Variants in CPXM2 observed in about 807,000 individuals in gnomAD.
CPXM2 encodes the protein inactive carboxypeptidase-like protein X2.
A neutral mutation model predicts 86.1 loss-of-function variants in CPXM2; 66 were observed. The observed-to-expected ratio is 0.77, with a 90% confidence interval of 0.63 to 0.94. CPXM2 has a LOEUF of 0.94. Among genes scored for constraint, CPXM2 ranks in the 40% least tolerant of loss-of-function variants. The pLI is 0.00. For missense variants in CPXM2, 948 were observed against 1,026.3 expected (o/e 0.92, Z 1.04); for synonymous variants, 388 against 400.2 (o/e 0.97, Z 0.36).
intron 4 of CPXM2, among the ~76,000 whole-genome samples, chr10:123,840,831 T>C (rs1848372077): frequency 6.6e-6 from 1 of 152,136 alleles, no homozygotes; most frequent in Non-Finnish European, 1.5e-5. Flanking sequence ...CAATGACAGG[T>C]GGTTAAATGT....
chr10:123,936,710 C>A (rs79563042), intron 2 of CPXM2, among the ~76,000 whole-genome samples: 1 of 152,144 alleles, frequency 6.6e-6, no homozygotes, highest in Non-Finnish European at 1.5e-5. Context: ...TCACACCCTG[C>A]GGCACTTTCC....
intron 2 of CPXM2, among the ~76,000 whole-genome samples, chr10:123,916,978 G>T (rs1479212343): frequency 6.6e-6 from 1 of 152,082 alleles, no homozygotes; most frequent in African/African-American, 2.4e-5. Context: ...TTTGCTGGAG[G>T]GGGTGAGTAG....
At chr10:123,892,667 G>A (rs1945294740), upstream of CPXM2, among the ~76,000 whole-genome samples, 1 of 152,208 alleles carries the variant, frequency 6.6e-6, no homozygotes, top group Admixed American at 6.5e-5. Flanking sequence ...AGGCTGATGC[G>A]AGTGTCACCA....
intron 1 of CPXM2, among the ~76,000 whole-genome samples, chr10:123,884,603 G>C (rs1375248783): frequency 2.0e-5 from 3 of 152,186 alleles, no homozygotes; most frequent in Non-Finnish European, 4.4e-5. Context: ...CGGGAGCCCG[G>C]GGGGAGGCTG....
chr10:123,879,019 T>A (rs1167860580), intron 2 of CPXM2, among the ~76,000 whole-genome samples: 1 of 152,120 alleles, frequency 6.6e-6, no homozygotes, highest in Non-Finnish European at 1.5e-5. Flanking sequence ...GCTCTCCCGG[T>A]CCAATGAGTC....
At chr10:123,800,998 GGCCCTGC>G (rs1362950425) in intron 4 of CPXM2, among the ~76,000 whole-genome samples, 1 of 152,132 alleles carries the variant, frequency 6.6e-6, no homozygotes, top group East Asian at 1.9e-4. Flanking sequence ...GTCCACCAGA[GGCCCTGC>G]CCCAAGAAAG....
chr10:123,819,405 A>G (rs1847879668), intron 4 of CPXM2, among the ~76,000 whole-genome samples: 1 of 152,244 alleles, frequency 6.6e-6, no homozygotes, highest in Non-Finnish European at 1.5e-5. Flanking sequence ...GGCAAAGGGA[A>G]TACAGAATGG....
intron 6 of CPXM2, among the ~76,000 whole-genome samples, chr10:123,780,886 C>T (rs1252596479): frequency 6.6e-6 from 1 of 152,112 alleles, no homozygotes; most frequent in Non-Finnish European, 1.5e-5. Flanking sequence ...GTAATTGATC[C>T]AGATTGAAGG....
chr10:123,913,892 T>C (rs954793842), intron 2 of CPXM2: 3 of 417,548 alleles, frequency 7.2e-6, no homozygotes, highest in Non-Finnish European at 1.5e-5. Flanking sequence ...CCTCCCAGGC[T>C]CTGGAAGCTG....
At chr10:123,749,539 A>T (rs1846030463) in intron 13 of CPXM2, among the ~76,000 whole-genome samples, 1 of 152,192 alleles carries the variant, frequency 6.6e-6, no homozygotes, top group African/African-American at 2.4e-5. Context: ...TCGCAGGGCC[A>T]CATGGCGATG....
rs2134191067 is a variant in CPXM2, at chr10:123,859,809, G to A, written c.513+2805C>T. Among the ~76,000 whole-genome samples, 2 of 152,342 alleles carry A rather than the reference G, an allele frequency of 1.3e-5. 1 individual carries two copies. Among genetic ancestry groups the A allele is most frequent in the South Asian group, 4.1e-4 (2 of 4,832 alleles). On this transcript the variant is annotated intron_variant, in intron 3 of 13. Coordinates refer to ENST00000241305, the MANE Select transcript of CPXM2 (RefSeq NM_198148.3). Reference sequence around the variant, plus strand: ...CAATGCATTCACTGAGGGGAGCTTGGCATTCTGCCTGGGGTGGGCCTCTCA... The same window carrying A: ...CAATGCATTCACTGAGGGGAGCTTGACATTCTGCCTGGGGTGGGCCTCTCA...
chr10:123,771,260 G>T (rs1045057443), intron 7 of CPXM2, among the ~76,000 whole-genome samples: 1 of 151,812 alleles, frequency 6.6e-6, no homozygotes. Flanking sequence ...CTCTATCATC[G>T]TCCCCCTAGG....
chr10:123,862,507 C>T, intron 3 of CPXM2, 107 bp downstream of exon 3: 2 of 927,360 alleles, frequency 2.2e-6, no homozygotes, highest in Non-Finnish European at 3.5e-6. Context: ...TTACTGTGAG[C>T]ATCCAGGCTA....
chr10:123,861,621 G>A (rs1475157889), intron 3 of CPXM2, among the ~76,000 whole-genome samples: 1 of 152,118 alleles, frequency 6.6e-6, no homozygotes, highest in Non-Finnish European at 1.5e-5. Flanking sequence ...CAAGAAATCA[G>A]AACAGAGAAC....
chr10:123,748,954 G>T (rs781262611), intron 13 of CPXM2, among the ~76,000 whole-genome samples: 6 of 152,106 alleles, frequency 3.9e-5, no homozygotes, highest in Non-Finnish European at 8.8e-5. Context: ...AGCTGTAGGC[G>T]CCTGAAGAGC....
chr10:123,916,778 CT>C (rs71474791), intron 2 of CPXM2, among the ~76,000 whole-genome samples: 51,222 of 146,178 alleles, frequency 0.35, 9,216 homozygotes, highest in Middle Eastern at 0.56. Flanking sequence ...CTCTCTCTCT[CT>C]TTTTTTTTTT....
intron 2 of CPXM2, among the ~76,000 whole-genome samples, chr10:123,873,856 C>CTTTTTTT (rs56223052): frequency 5.7e-5 from 6 of 105,286 alleles, no homozygotes; most frequent in East Asian, 2.5e-4. Flanking sequence ...TCTCACATTT[C>CTTTTTTT]TTTTTTTTTT....
chr10:123,902,509 A>G (rs1945393196), intron 2 of CPXM2, among the ~76,000 whole-genome samples: 1 of 152,210 alleles, frequency 6.6e-6, no homozygotes, highest in African/African-American at 2.4e-5. Context: ...CCTATAAACA[A>G]CAGTAATTCA....
chr10:123,774,426 T>C (rs997185464), intron 7 of CPXM2, among the ~76,000 whole-genome samples: 5 of 152,230 alleles, frequency 3.3e-5, no homozygotes, highest in African/African-American at 9.7e-5. Context: ...TTGAAATCTA[T>C]TAGAACTGGA....
Sources: allele counts gnomAD v4.1 joint callset (sites outside exome capture counted in the v4.1 genomes callset), GRCh38; gene constraint gnomAD v4.1.1; transcripts MANE v1.5; gene names NCBI Gene and HGNC (gene_info 2026-07-23, HGNC 2026-07-21).